Variants in RBFOX1 observed in about 807,000 individuals in gnomAD.
RBFOX1 encodes RNA binding protein fox-1 homolog 1.
Under a neutral mutation model 57.7 loss-of-function variants are expected in RBFOX1, and 8 were observed. The ratio of observed to expected loss-of-function variants is 0.14; its 90% CI spans 0.08 to 0.25. RBFOX1 has a LOEUF of 0.25. RBFOX1 is among the 10% of genes least tolerant of loss of function. The pLI is 1.00. For synonymous variants in RBFOX1, 326 were observed against 222.4 expected, an observed-to-expected ratio of 1.47 and a Z score of -4.15; for missense variants, 611 against 548.5, an observed-to-expected ratio of 1.11 and a Z score of -1.14.
Position 6,151,023 on chromosome 16 carries a change from G to A in RBFOX1, c.-127+131031G>A, listed in dbSNP as rs1376860528. On this transcript the variant is annotated intron_variant, in intron 1 of 15. Transcript: ENST00000550418. The stretch of plus-strand genomic sequence containing the variant: ...TGGGTCCTTCTTCCTTACAGATTCA[G>A]AAAGGAGAATCTTCTATGAAATCTA... Among the ~76,000 whole-genome samples, 3 of 152,138 alleles carry A rather than the reference G, an allele frequency of 2.0e-5. No individual in the cohort carries two copies. In the East Asian group the frequency reaches 5.8e-4, roughly 29 times the overall value.
intron 4 of RBFOX1, among the ~76,000 whole-genome samples, chr16:5,998,893 T>C (rs554181345): frequency 6.6e-6 from 1 of 152,350 alleles, no homozygotes; most frequent in African/African-American, 2.4e-5. Context: ...CTTGTGTTCA[T>C]CTGGATTTTT....
At chr16:5,882,185 C>T (rs1195990900) in intron 4 of RBFOX1, among the ~76,000 whole-genome samples, 3 of 152,162 alleles carry the variant, frequency 2.0e-5, no homozygotes, top group African/African-American at 7.2e-5. Flanking sequence ...TCACTAACCT[C>T]TACTGCCTTG....
At chr16:5,859,618 C>T (rs1472666689) in intron 3 of RBFOX1, among the ~76,000 whole-genome samples, 2 of 152,134 alleles carry the variant, frequency 1.3e-5, no homozygotes, top group Non-Finnish European at 2.9e-5. Flanking sequence ...AGCATAGGTG[C>T]CCAGGGTTTT....
chr16:7,092,000 G>T (rs577778227), intron 4 of RBFOX1, among the ~76,000 whole-genome samples: 3 of 152,004 alleles, frequency 2.0e-5, no homozygotes, highest in African/African-American at 2.4e-5. Flanking sequence ...CAATACACGT[G>T]CCCTTTGTAG....
intron 3 of RBFOX1, among the ~76,000 whole-genome samples, chr16:5,694,849 G>A (rs1185176684): frequency 3.3e-5 from 5 of 151,528 alleles, no homozygotes; most frequent in African/African-American, 4.9e-5. Flanking sequence ...TGGGGAGATG[G>A]TAGAAGAGAA....
intron 1 of RBFOX1, among the ~76,000 whole-genome samples, chr16:6,223,635 C>G (rs2097394036): frequency 6.6e-6 from 1 of 151,992 alleles, no homozygotes; most frequent in African/African-American, 2.4e-5. Context: ...CGAAAATTTT[C>G]TCCCATTTTG....
chr16:7,126,257 G>T (rs1600267207), intron 4 of RBFOX1: 1 of 264,420 alleles, frequency 3.8e-6, no homozygotes, highest in East Asian at 1.0e-4. Context: ...TTTCTCCAGA[G>T]TATCGTGTGT....
chr16:6,168,063 C>T (rs567060940), intron 1 of RBFOX1, among the ~76,000 whole-genome samples: 1 of 152,122 alleles, frequency 6.6e-6, no homozygotes, highest in African/African-American at 2.4e-5. Context: ...GTGATATATT[C>T]AGGGAGACAT....
At chr16:6,433,166 G>A (rs1372784095) in intron 2 of RBFOX1, among the ~76,000 whole-genome samples, 2 of 152,212 alleles carry the variant, frequency 1.3e-5, no homozygotes, top group South Asian at 4.1e-4. Context: ...CCCACATGGG[G>A]CTATGGATAC....
chr16:5,246,025 C>T (rs548191996), intron 1 of RBFOX1, among the ~76,000 whole-genome samples: 6 of 152,266 alleles, frequency 3.9e-5, no homozygotes, highest in Non-Finnish European at 7.4e-5. Flanking sequence ...CGTCGGATCA[C>T]CCAAGGGCAG....
At chr16:6,887,680 T>G (rs2064409588) in intron 3 of RBFOX1, among the ~76,000 whole-genome samples, 1 of 147,894 alleles carries the variant, frequency 6.8e-6, no homozygotes, top group Non-Finnish European at 1.5e-5. Flanking sequence ...TTTTTTTTTT[T>G]GAGGCAGAGT....
intron 2 of RBFOX1, among the ~76,000 whole-genome samples, chr16:6,391,964 C>T (rs189930670): frequency 2.7e-4 from 41 of 152,230 alleles, no homozygotes; most frequent in Non-Finnish European, 8.8e-5. Context: ...GAAGATTGCT[C>T]AGAGGCTGTA....
intron 2 of RBFOX1, among the ~76,000 whole-genome samples, chr16:6,630,890 T>C (rs2098377083): frequency 6.6e-6 from 1 of 152,128 alleles, no homozygotes; most frequent in Non-Finnish European, 1.5e-5. Context: ...CAAACAGCTA[T>C]GATAAATGCT....
In RBFOX1 at chr16:7,597,446, G is replaced by T; in HGVS notation, c.622+15G>T. ...TTATACAAATGGTAAGTAGAGATTG[G>T]CCTTTTACAAGAAATTCTCTCTACT... On this transcript the variant is annotated intron_variant, in intron 9 of 15. Transcript: ENST00000550418. 1 of 1,579,516 alleles carries T rather than the reference G, an allele frequency of 6.3e-7. No homozygotes were observed. The highest frequency in any genetic ancestry group is 8.7e-7 in the Non-Finnish European group (1 of 1,154,612).
chr16:5,550,272 C>A (rs1182673510), intron 2 of RBFOX1, among the ~76,000 whole-genome samples: 1 of 152,144 alleles, frequency 6.6e-6, no homozygotes, highest in Admixed American at 6.5e-5. Context: ...AATCGTGGCA[C>A]CTGCCTTTGT....
intron 5 of RBFOX1, among the ~76,000 whole-genome samples, chr16:7,564,997 T>G (rs760914709): frequency 6.6e-6 from 1 of 152,158 alleles, no homozygotes; most frequent in Non-Finnish European, 1.5e-5. Context: ...AATGAGGCAT[T>G]AACTACATCC....
At chr16:6,018,792 C>T (rs1448269403), upstream of RBFOX1, among the ~76,000 whole-genome samples, 1 of 152,090 alleles carries the variant, frequency 6.6e-6, no homozygotes, top group African/African-American at 2.4e-5. Flanking sequence ...CGCTGGTGCT[C>T]AATGAGTGAG....
chr16:6,656,789 A>G lies in RBFOX1; in HGVS notation c.-16+2139A>G, dbSNP rs569843552. On this transcript the variant is annotated intron_variant, in intron 3 of 15. Coordinates refer to ENST00000550418, the MANE Select transcript of RBFOX1 (RefSeq NM_018723.4). ...AGTTAATTGGTGATGCATCTTAGTGATAAGAAAAAATAATGCCCAGTTAAA... is the reference window on the plus strand; with the variant it reads ...AGTTAATTGGTGATGCATCTTAGTGGTAAGAAAAAATAATGCCCAGTTAAA... 7.2e-5 allele frequency among the ~76,000 whole-genome samples: 11 copies of G among 152,238 alleles called. No homozygotes were observed. In the South Asian group the frequency reaches 2.1e-3, roughly 29 times the overall value.
chr16:5,974,367 G>C (rs1178275822), intron 4 of RBFOX1, among the ~76,000 whole-genome samples: 1 of 152,180 alleles, frequency 6.6e-6, no homozygotes, highest in Admixed American at 6.5e-5. Flanking sequence ...CCAGCACGTT[G>C]GGAGGCCGAG....
Sources: gnomAD v4.1 joint callset for allele counts (sites outside exome capture counted in the v4.1 genomes callset) on GRCh38, gnomAD v4.1.1 for gene constraint, MANE v1.5 for transcripts, NCBI Gene and HGNC (gene_info 2026-07-23, HGNC 2026-07-21) for gene names.